SLIT1: variants seen among roughly 807,000 people sequenced by gnomAD.
SLIT1 encodes the protein slit homolog 1 protein.
Under a neutral mutation model 186.1 loss-of-function variants are expected in SLIT1, and 66 were observed. The ratio of observed to expected loss-of-function variants is 0.35; its 90% CI spans 0.29 to 0.44. The LOEUF (loss-of-function observed/expected upper bound fraction) is 0.44. Ranked by LOEUF, SLIT1 falls within the 20% of genes least tolerant of loss-of-function variation. The pLI, the probability that SLIT1 is intolerant of heterozygous loss-of-function variation, is 1.00. For synonymous variants in SLIT1, 761 were observed against 833.8 expected (o/e 0.91, Z 1.50); for missense variants, 1,638 against 2,037.4 (o/e 0.80, Z 3.77).
chr10:97,150,868 T>A (rs1413248272), intron 4 of SLIT1, among the ~76,000 whole-genome samples: 1 of 152,156 alleles, frequency 6.6e-6, no homozygotes, highest in Non-Finnish European at 1.5e-5. Context: ...TTCCAGCATA[T>A]CCCTCTAACC....
At chr10:97,097,448 T>A (rs1476855555) in intron 4 of SLIT1, among the ~76,000 whole-genome samples, 1 of 152,172 alleles carries the variant, frequency 6.6e-6, no homozygotes, top group Non-Finnish European at 1.5e-5. Flanking sequence ...CACTAAAAGG[T>A]CACTTCATTA....
At chr10:97,069,911 C>T (rs1416615359) in intron 4 of SLIT1, among the ~76,000 whole-genome samples, 5 of 152,172 alleles carry the variant, frequency 3.3e-5, no homozygotes, top group African/African-American at 4.8e-5. Context: ...GGATAACCTC[C>T]GAGACTAGAT....
intron 25 of SLIT1, among the ~76,000 whole-genome samples, chr10:97,023,547 C>T (rs1430374374): frequency 1.3e-5 from 2 of 152,152 alleles, no homozygotes; most frequent in African/African-American, 4.8e-5. Context: ...TACTGCCAAC[C>T]CCTTTGTTTC....
At chr10:97,172,341 C>A (rs927562654) in intron 1 of SLIT1, among the ~76,000 whole-genome samples, 51 of 152,122 alleles carry the variant, frequency 3.4e-4, no homozygotes, top group Non-Finnish European at 6.8e-4. Context: ...CCACCTCCCC[C>A]AGCCAGAGCC....
chr10:97,015,671 A>T (rs144992705), intron 28 of SLIT1, among the ~76,000 whole-genome samples: 5 of 152,334 alleles, frequency 3.3e-5, no homozygotes, highest in East Asian at 3.9e-4. Context: ...CAGTCCAATA[A>T]AATTTTCCTT....
chr10:97,008,169 A>G (rs1011849961), intron 31 of SLIT1, among the ~76,000 whole-genome samples: 2 of 152,238 alleles, frequency 1.3e-5, no homozygotes, highest in Non-Finnish European at 2.9e-5. Context: ...TAATGAAATA[A>G]TTCAGCAAGA....
chr10:97,166,088 C>A (rs181412340), intron 1 of SLIT1, among the ~76,000 whole-genome samples: 1 of 152,122 alleles, frequency 6.6e-6, no homozygotes, highest in African/African-American at 2.4e-5. Context: ...CACACACTCA[C>A]GCCCCATGTT....
At chr10:97,011,498 C>T (rs991822004) in intron 30 of SLIT1, among the ~76,000 whole-genome samples, 6 of 152,152 alleles carry the variant, frequency 3.9e-5, no homozygotes, top group African/African-American at 1.4e-4. Context: ...AGCTCAGCTG[C>T]ACCCTCCCTG....
At chr10:97,094,529 T>C (rs1849266009) in intron 4 of SLIT1, among the ~76,000 whole-genome samples, 1 of 152,226 alleles carries the variant, frequency 6.6e-6, no homozygotes, top group South Asian at 2.1e-4. Context: ...TGTGAGGCCA[T>C]GTGGCCCCTA....
intron 18 of SLIT1, among the ~76,000 whole-genome samples, chr10:97,044,891 C>T (rs1293004096): frequency 6.6e-6 from 1 of 152,212 alleles, no homozygotes; most frequent in African/African-American, 2.4e-5. Context: ...TCCTAATCCC[C>T]AGTGTGATGG....
intron 28 of SLIT1, among the ~76,000 whole-genome samples, chr10:97,015,082 CAG>C (rs1169526713): frequency 2.0e-5 from 3 of 152,132 alleles, no homozygotes; most frequent in African/African-American, 7.2e-5. Flanking sequence ...GTGTGTGGAT[CAG>C]AGAGAGGTCC....
intron 4 of SLIT1, among the ~76,000 whole-genome samples, chr10:97,099,503 T>C (rs1849328760): frequency 6.6e-6 from 1 of 152,224 alleles, no homozygotes; most frequent in Non-Finnish European, 1.5e-5. Context: ...CTCCTGGATC[T>C]GTTGTACATC....
At chr10:97,009,263 A>C (rs1367013053) in intron 31 of SLIT1, among the ~76,000 whole-genome samples, 1 of 152,238 alleles carries the variant, frequency 6.6e-6, no homozygotes, top group Non-Finnish European at 1.5e-5. Flanking sequence ...TACAGTAACC[A>C]AGAAAGTGTG....
intron 20 of SLIT1, among the ~76,000 whole-genome samples, chr10:97,042,050 T>A (rs1259643890): frequency 6.6e-6 from 1 of 152,066 alleles, no homozygotes. Context: ...ATTTTAGAAG[T>A]CAGAAGCAAA....
chr10:97,128,585 T>C (rs540356053), intron 4 of SLIT1, among the ~76,000 whole-genome samples: 16 of 152,276 alleles, frequency 1.1e-4, no homozygotes, highest in Admixed American at 9.2e-4. Context: ...ACAACCTGCA[T>C]TGTGTGTGCA....
chr10:97,125,565 G>A (rs113254050), intron 4 of SLIT1, among the ~76,000 whole-genome samples: 2 of 150,702 alleles, frequency 1.3e-5, no homozygotes, highest in East Asian at 2.0e-4. Context: ...TAGGCCGGGC[G>A]CAGTGGCTCA....
chr10:97,084,578 T>C (rs560678174), intron 4 of SLIT1, among the ~76,000 whole-genome samples: 12 of 135,870 alleles, frequency 8.8e-5, no homozygotes, highest in African/African-American at 2.9e-4. Flanking sequence ...TCTTTCCTTT[T>C]CTTTTATTTT....
chr10:97,185,833 A>C lies in SLIT1; in HGVS notation c.-159T>G. On this transcript the variant is annotated 5_prime_UTR_variant, in exon 1 of 37. Coordinates refer to ENST00000266058, the MANE Select transcript of SLIT1 (RefSeq NM_003061.3). ...GGGCTGGGAGGCACCTTGCTCCTCC[A>C]AGCGACGGCGCCTGTGCGCGGACGG... The C allele has an allele frequency of 3.4e-6, 2 of 590,748 alleles. No individual in the cohort carries two copies. Among genetic ancestry groups the C allele is most frequent in the Non-Finnish European group, 2.7e-6 (1 of 370,388 alleles). 36.6% of individuals were successfully genotyped at this position (590,748 alleles called of 1,614,324 possible).
At chr10:97,160,873 A>G (rs1024853070) in intron 3 of SLIT1, among the ~76,000 whole-genome samples, 13 of 151,994 alleles carry the variant, frequency 8.6e-5, no homozygotes, top group African/African-American at 2.2e-4. Flanking sequence ...GGCACGTACC[A>G]CTGTGCCTGG....
Sources: gnomAD v4.1 joint callset for allele counts (sites outside exome capture counted in the v4.1 genomes callset) on GRCh38, gnomAD v4.1.1 for gene constraint, MANE v1.5 for transcripts, NCBI Gene and HGNC (gene_info 2026-07-23, HGNC 2026-07-21) for gene names.